RTN4: variants seen among roughly 807,000 people sequenced by gnomAD.
The protein encoded by RTN4 is reticulon-4.
In RTN4, 32 loss-of-function variants were observed where a neutral mutation model predicts 90.4. The ratio of observed to expected loss-of-function variants is 0.35; its 90% CI spans 0.27 to 0.48. The LOEUF is 0.48. Among genes scored for constraint, RTN4 ranks in the 20% least tolerant of loss-of-function variants. The probability of loss-of-function intolerance (pLI) is 0.99; values close to 1 mark genes in which losing one functional copy is unlikely to be tolerated. For missense variants in RTN4, 1,706 were observed against 1,430.2 expected, an observed-to-expected ratio of 1.19 and a Z score of -3.11; for synonymous variants, 629 against 552.5, an observed-to-expected ratio of 1.14 and a Z score of -1.94.
intron 1 of RTN4, among the ~76,000 whole-genome samples, chr2:55,111,024 G>A (rs1668028823): frequency 6.6e-6 from 1 of 152,142 alleles, no homozygotes; most frequent in South Asian, 2.1e-4. Flanking sequence ...CGGGGCAACT[G>A]AGTAAGACTG....
intron 1 of RTN4, among the ~76,000 whole-genome samples, chr2:55,098,537 CTT>C (rs1322754393): frequency 6.6e-6 from 1 of 152,004 alleles, no homozygotes; most frequent in Non-Finnish European, 1.5e-5. Context: ...GAGAACATAT[CTT>C]ATCAGTAAAA....
At chr2:55,114,748 A>G (rs1386219287), upstream of RTN4, among the ~76,000 whole-genome samples, 1 of 152,140 alleles carries the variant, frequency 6.6e-6, no homozygotes, top group Non-Finnish European at 1.5e-5. Flanking sequence ...ACAGAAAGTT[A>G]GTACACCTGT....
chr2:55,082,885 A>C (rs990223535), intron 1 of RTN4, among the ~76,000 whole-genome samples: 43 of 152,194 alleles, frequency 2.8e-4, no homozygotes, highest in Non-Finnish European at 5.1e-4. Context: ...CACAGCTAAG[A>C]AGTAGCATTT....
In RTN4 at chr2:55,025,218, G is replaced by T; in HGVS notation, c.2881C>A (p.Gln961Lys). ...LPPDVSALAT[Q>K]AEIESIVKPK... ...TTAACTATGCTCTCTATCTCTGCTTGAGTGGCCAAAGCAGAAACATCTGGA... is the reference window on the plus strand; with the variant it reads ...TTAACTATGCTCTCTATCTCTGCTTTAGTGGCCAAAGCAGAAACATCTGGA... The change falls in exon 3 of 9, where the codon CAA becomes AAA. Residue 961 changes from glutamine to lysine, a missense_variant. Gln to Lys is a moderately conservative substitution (Grantham distance 53, BLOSUM62 1). Coordinates refer to ENST00000337526, the MANE Select transcript of RTN4 (RefSeq NM_020532.5). 1 of 1,613,804 alleles carries T rather than the reference G, an allele frequency of 6.2e-7. No homozygotes were observed. The highest frequency in any genetic ancestry group is 1.1e-5 in the South Asian group (1 of 91,080).
intron 1 of RTN4, among the ~76,000 whole-genome samples, chr2:55,031,454 T>C (rs1297837812): frequency 6.6e-6 from 1 of 152,210 alleles, no homozygotes; most frequent in Non-Finnish European, 1.5e-5. Flanking sequence ...AAAATCTGGA[T>C]AGGGGTTCCT....
At chr2:55,005,419 G>A (rs781449623) in intron 3 of RTN4, among the ~76,000 whole-genome samples, 3 of 152,118 alleles carry the variant, frequency 2.0e-5, no homozygotes, top group Non-Finnish European at 4.4e-5. Context: ...TAACACTGAC[G>A]AAATAGCTAT....
At chr2:55,127,253 G>A in the RTN4 span, among the ~76,000 whole-genome samples, 1 of 152,112 alleles carries the variant, frequency 6.6e-6, no homozygotes, top group African/African-American at 2.4e-5. Flanking sequence ...GAGGTGTTCC[G>A]CTGTTCTTCA....
chr2:54,978,750 T>C (rs561142694), intron 5 of RTN4, among the ~76,000 whole-genome samples: 1 of 152,254 alleles, frequency 6.6e-6, no homozygotes, highest in South Asian at 2.1e-4. Flanking sequence ...TTCCTATAAA[T>C]TTTAAAAAAC....
chr2:54,979,114 TATG>T (rs1259985685), intron 5 of RTN4, among the ~76,000 whole-genome samples: 1 of 151,860 alleles, frequency 6.6e-6, no homozygotes, highest in Non-Finnish European at 1.5e-5. Context: ...AATGCAGTGG[TATG>T]ATTATGGCTC....
At chr2:55,074,517 C>CAAAAAA (rs778275041) in intron 2 of RTN4, among the ~76,000 whole-genome samples, 8 of 59,610 alleles carry the variant, frequency 1.3e-4, no homozygotes, top group East Asian at 5.8e-4. Flanking sequence ...CTGCCCTCAC[C>CAAAAAA]AAAAAAAAAA....
chr2:55,058,630 T>C (rs1051419385), intron 2 of RTN4, among the ~76,000 whole-genome samples: 8 of 152,168 alleles, frequency 5.3e-5, no homozygotes, highest in Non-Finnish European at 1.0e-4. Context: ...CATTCTCTCT[T>C]GGTGATTACA....
chr2:54,996,758 TTTG>T (rs1414709129), intron 3 of RTN4, among the ~76,000 whole-genome samples: 1 of 152,196 alleles, frequency 6.6e-6, no homozygotes, highest in Non-Finnish European at 1.5e-5. Context: ...TTCTTATCTT[TTTG>T]TTGTTGTTAT....
At chr2:55,035,847 G>T (rs1027703750) in intron 1 of RTN4, among the ~76,000 whole-genome samples, 14 of 152,098 alleles carry the variant, frequency 9.2e-5, no homozygotes, top group African/African-American at 3.4e-4. Flanking sequence ...CAACTTCCTT[G>T]ATGTCTACTT....
the RTN4 span, among the ~76,000 whole-genome samples, chr2:55,137,234 G>T: frequency 6.6e-6 from 1 of 152,200 alleles, no homozygotes; most frequent in Admixed American, 6.5e-5. Context: ...CCAGGGCAAG[G>T]CAGCTTCCAG....
chr2:55,095,775 C>T (rs1382312559), intron 1 of RTN4, among the ~76,000 whole-genome samples: 1 of 152,140 alleles, frequency 6.6e-6, no homozygotes, highest in African/African-American at 2.4e-5. Flanking sequence ...TTTCAAATGC[C>T]CTTTTCCTGT....
At chr2:55,031,540 G>A (rs1485065780) in intron 1 of RTN4, among the ~76,000 whole-genome samples, 1 of 152,220 alleles carries the variant, frequency 6.6e-6, no homozygotes, top group Admixed American at 6.5e-5. Flanking sequence ...GAAACCTATG[G>A]TAGAGCTGCA....
At chr2:55,104,508 A>G (rs1316289940) in intron 1 of RTN4, among the ~76,000 whole-genome samples, 1 of 151,562 alleles carries the variant, frequency 6.6e-6, no homozygotes, top group Non-Finnish European at 1.5e-5. Flanking sequence ...ATGCCACCAC[A>G]TCTGGCTAAT....
intron 1 of RTN4, among the ~76,000 whole-genome samples, chr2:55,042,162 A>G (rs1211014871): frequency 6.6e-6 from 1 of 152,148 alleles, no homozygotes; most frequent in African/African-American, 2.4e-5. Context: ...GATATAAGGG[A>G]AAAGGTACCT....
chr2:55,129,132 A>AG, the RTN4 span, among the ~76,000 whole-genome samples: 15 of 150,518 alleles, frequency 1.0e-4, no homozygotes, highest in South Asian at 3.1e-3. Flanking sequence ...GAAAAAAAAA[A>AG]GAAAAGGGGG....
Sources: allele counts gnomAD v4.1 joint callset (sites outside exome capture counted in the v4.1 genomes callset), GRCh38; gene constraint gnomAD v4.1.1; transcripts MANE v1.5; gene names NCBI Gene and HGNC (gene_info 2026-07-23, HGNC 2026-07-21).